TRAF2: variants seen among roughly 807,000 people sequenced by gnomAD.
The protein encoded by TRAF2 is TNF receptor associated factor 2.
In TRAF2, 6 loss-of-function variants were observed where a neutral mutation model predicts 55.6. The ratio of observed to expected loss-of-function variants is 0.11; its 90% confidence interval spans 0.06 to 0.21. The LOEUF is 0.21. Among genes scored for constraint, TRAF2 ranks in the 10% least tolerant of loss-of-function variants. The probability of loss-of-function intolerance (pLI) is 1.00; values close to 1 mark genes in which losing one functional copy is unlikely to be tolerated. For missense variants in TRAF2, 561 were observed against 684.5 expected (o/e 0.82, Z 2.01); for synonymous variants, 329 against 276.3 (o/e 1.19, Z -1.89).
At chr9:136,915,209 G>C (rs1564417803) in intron 6 of TRAF2, among the ~76,000 whole-genome samples, 1 of 152,116 alleles carries the variant, frequency 6.6e-6, no homozygotes, top group Non-Finnish European at 1.5e-5. Flanking sequence ...TTGTAAAATG[G>C]TTACATGGCA....
chr9:136,883,033 G>C (rs879548547), upstream of TRAF2, among the ~76,000 whole-genome samples: 1 of 152,128 alleles, frequency 6.6e-6, no homozygotes, highest in South Asian at 2.1e-4. Context: ...ATCATGTTCA[G>C]TTAATTTTTG....
chr9:136,915,855 CACAGTT>C (rs1351092942), intron 6 of TRAF2, among the ~76,000 whole-genome samples: 1 of 152,138 alleles, frequency 6.6e-6, no homozygotes, highest in Non-Finnish European at 1.5e-5. Flanking sequence ...GAAACTGATT[CACAGTT>C]ACGGCCGTTT....
chr9:136,888,811 G>T (rs1299759699), intron 1 of TRAF2, among the ~76,000 whole-genome samples: 1 of 152,146 alleles, frequency 6.6e-6, no homozygotes. Context: ...TCTTGTGGGG[G>T]TGTCCCATTG....
At chr9:136,897,567 A>G (rs1169456199) in intron 1 of TRAF2, among the ~76,000 whole-genome samples, 3 of 151,120 alleles carry the variant, frequency 2.0e-5, no homozygotes, top group African/African-American at 7.3e-5. Flanking sequence ...AGCCAGCCCC[A>G]GGTGTGCTAC....
chr9:136,910,031 G>A (rs756334555), intron 6 of TRAF2, 37 bp downstream of exon 6: 6 of 1,602,242 alleles, frequency 3.7e-6, no homozygotes, highest in Non-Finnish European at 5.1e-6. Context: ...ACCGCAGGGC[G>A]GGGCCCATGT....
chr9:136,924,542 A>G (rs1005636674), intron 10 of TRAF2, among the ~76,000 whole-genome samples: 2 of 151,910 alleles, frequency 1.3e-5, no homozygotes, highest in Non-Finnish European at 2.9e-5. Flanking sequence ...AGCCTGGGCA[A>G]CAGAGCAAGA....
At position 136,926,231 on chromosome 9, in the gene TRAF2, A is replaced by C. The variant is rs929435360; in HGVS notation, c.*330A>C. ...GAGAGGCCCTGGGTGGGGGACACTC[A>C]GAGTGGGAGCACATCCCAGCAGTGC... On this transcript the variant is annotated 3_prime_UTR_variant, in exon 11 of 11. Transcript: ENST00000247668. The C allele has an allele frequency of 2.2e-6, 1 of 454,620 alleles. No individual in the cohort carries two copies. Among genetic ancestry groups the C allele is most frequent in the African/African-American group, 2.0e-5 (1 of 50,630 alleles). The allele number at this position is 454,620 out of a possible 1,614,324, so 28.2% of individuals were successfully genotyped here.
upstream of TRAF2, among the ~76,000 whole-genome samples, chr9:136,885,882 T>C (rs1389983846): frequency 3.3e-5 from 5 of 152,214 alleles, no homozygotes; most frequent in Non-Finnish European, 5.9e-5. Context: ...GGAGACCCCA[T>C]AGCCTTAATA....
chr9:136,921,198 C>A lies in TRAF2; in HGVS notation c.1121C>A (p.Pro374His). ...CAGGAAGCTGTGGCTGGCCGCATAC[C>A]CGCCATCTTCTCCCCAGGTGTGGTT... Reference protein sequence around the residue: ...KRQEAVAGRIPAIFSPAFYTS... With the variant: ...KRQEAVAGRIHAIFSPAFYTS... Residue 374 changes from proline to histidine, a missense_variant, in exon 9 of 11, where the codon CCC becomes CAC. This residue lies in a region of TRAF2 where 135 missense variants were observed against 207.7 expected (regional missense o/e 0.65). Coordinates refer to ENST00000247668, the MANE Select transcript of TRAF2 (RefSeq NM_021138.4). 6.2e-7 allele frequency: 1 copy of A among 1,613,800 alleles called. No individual in the cohort carries two copies. The highest frequency in any genetic ancestry group is 1.1e-5 in the South Asian group (1 of 91,086).
chr9:136,908,333 G>C (rs967908936), intron 5 of TRAF2, 102 bp downstream of exon 5: 1 of 1,297,544 alleles, frequency 7.7e-7, no homozygotes, highest in East Asian at 2.6e-5. Context: ...CTTTGCACTC[G>C]TTCCACCCCC....
chr9:136,916,513 A>C, intron 6 of TRAF2, 28 bp from the exon 7 acceptor site: 1 of 1,609,124 alleles, frequency 6.2e-7, no homozygotes, highest in Non-Finnish European at 8.5e-7. Context: ...ACAGAGAAAG[A>C]TGGCTCTGTG....
chr9:136,909,029 C>T (rs1176139636), intron 5 of TRAF2, among the ~76,000 whole-genome samples: 3 of 122,632 alleles, frequency 2.4e-5, no homozygotes, highest in African/African-American at 1.0e-4. Context: ...CAGAGGAAGA[C>T]TCTGTCTCAA....
chr9:136,909,266 C>T (rs1337912991), intron 5 of TRAF2, among the ~76,000 whole-genome samples: 1 of 38,962 alleles, frequency 2.6e-5, no homozygotes, highest in African/African-American at 1.4e-4. Flanking sequence ...GCTGTGACTG[C>T]TCACATGGCC....
intron 3 of TRAF2, 89 bp from the exon 4 acceptor site, chr9:136,900,333 T>G: frequency 1.2e-6 from 1 of 802,354 alleles, no homozygotes; most frequent in Non-Finnish European, 2.0e-6. Context: ...TGACGCAGTA[T>G]TGGTTGGTTT....
At chr9:136,892,318 G>T (rs1277139550) in intron 1 of TRAF2, among the ~76,000 whole-genome samples, 1 of 151,938 alleles carries the variant, frequency 6.6e-6, no homozygotes, top group Non-Finnish European at 1.5e-5. Context: ...CAAAAAATTA[G>T]CTGGGCATGG....
chr9:136,904,575 T>A (rs991999818), intron 4 of TRAF2, among the ~76,000 whole-genome samples: 1 of 151,922 alleles, frequency 6.6e-6, no homozygotes, highest in Non-Finnish European at 1.5e-5. Context: ...TCGGCTAATT[T>A]TTTTTGTATT....
At chr9:136,894,806 A>C (rs1164528923) in intron 1 of TRAF2, among the ~76,000 whole-genome samples, 1 of 152,156 alleles carries the variant, frequency 6.6e-6, no homozygotes, top group Non-Finnish European at 1.5e-5. Flanking sequence ...TTGGACAAGG[A>C]ATGGGCTCAG....
chr9:136,889,267 A>C (rs1226095310), intron 1 of TRAF2, among the ~76,000 whole-genome samples: 5 of 127,942 alleles, frequency 3.9e-5, no homozygotes, highest in South Asian at 2.4e-4. Flanking sequence ...CCCCGGTGTG[A>C]GCCACCACGC....
At chr9:136,898,032 A>T (rs111722396) in intron 1 of TRAF2, among the ~76,000 whole-genome samples, 1 of 56,438 alleles carries the variant, frequency 1.8e-5, no homozygotes, top group Non-Finnish European at 3.5e-5. Context: ...TCCCGCTCTC[A>T]GGGCTGGAGG....
Sources: allele counts gnomAD v4.1 joint callset (sites outside exome capture counted in the v4.1 genomes callset), GRCh38; gene constraint gnomAD v4.1.1; regional missense constraint gnomAD v4.1.1; transcripts MANE v1.5; gene names NCBI Gene and HGNC (gene_info 2026-07-23, HGNC 2026-07-21).